PDPN: variants seen among roughly 807,000 people sequenced by gnomAD.
PDPN encodes the protein PA2.26 antigen.
A neutral mutation model predicts 23.2 loss-of-function variants in PDPN; 12 were observed. The ratio of observed to expected loss-of-function variants is 0.52; its 90% CI spans 0.33 to 0.84. The LOEUF (loss-of-function observed/expected upper bound fraction) is 0.84. PDPN is among the 40% of genes least tolerant of loss of function. The probability of loss-of-function intolerance (pLI) is 0.02; values close to 1 mark genes in which losing one functional copy is unlikely to be tolerated. For missense variants in PDPN, 199 were observed against 212.2 expected, an observed-to-expected ratio of 0.94 and a Z score of 0.39; for synonymous variants, 77 against 76.7, an observed-to-expected ratio of 1.00 and a Z score of -0.02.
intron 4 of PDPN, 37 bp downstream of exon 4, chr1:13,613,762 G>A (rs878990161): frequency 8.0e-7 from 1 of 1,246,828 alleles, no homozygotes; most frequent in South Asian, 1.2e-5. Flanking sequence ...CTCTTACTGG[G>A]GTTTTTTAAA....
intron 2 of PDPN, 135 bp from the exon 3 acceptor site, chr1:13,610,252 T>A: frequency 3.0e-6 from 2 of 664,568 alleles, no homozygotes; most frequent in Non-Finnish European, 5.1e-6. Flanking sequence ...TTCTGTTCAT[T>A]TTCTTCTACT....
intron 5 of PDPN, among the ~76,000 whole-genome samples, chr1:13,615,087 C>T (rs899433004): frequency 3.9e-5 from 6 of 152,238 alleles, no homozygotes; most frequent in South Asian, 2.1e-4. Context: ...GCAGCCCATT[C>T]GGATTAGGAG....
rs375286764 is a variant in PDPN, at chr1:13,613,758, C to T, written c.370+33C>T. The T allele has an allele frequency of 3.9e-5, 50 of 1,291,632 alleles. No homozygotes were observed. In the African/African-American group the frequency reaches 6.9e-4, roughly 18 times the overall value. The allele number at this position is 1,291,632 out of a possible 1,614,324, so 80.0% of individuals were successfully genotyped here. ...AGATTTTGGCATCAAAATACTCTTA[C>T]TGGGGTTTTTTAAAAATTTCTTTGA... On this transcript the variant is annotated intron_variant, in intron 4 of 5. Coordinates refer to ENST00000621990, the MANE Select transcript of PDPN (RefSeq NM_006474.5).
chr1:13,595,728 G>A (rs1019009834), intron 1 of PDPN: 28 of 497,308 alleles, frequency 5.6e-5, no homozygotes. Flanking sequence ...CACAGTGAAT[G>A]GGCATGGCGC....
intron 1 of PDPN, among the ~76,000 whole-genome samples, chr1:13,594,830 C>CA (rs71570150): frequency 0.051 from 6,701 of 130,532 alleles, 264 homozygotes; most frequent in South Asian, 0.12. Flanking sequence ...ACTAAAAATA[C>CA]AAAAAAAAAA....
chr1:13,607,436 G>A (rs1640820314), intron 2 of PDPN, 130 bp downstream of exon 2: 2 of 560,814 alleles, frequency 3.6e-6, no homozygotes, highest in South Asian at 4.5e-5. Flanking sequence ...CCATACCAAG[G>A]AATAGTTACG....
intron 5 of PDPN, among the ~76,000 whole-genome samples, chr1:13,615,216 C>G (rs1570065636): frequency 6.6e-6 from 1 of 152,226 alleles, no homozygotes; most frequent in Middle Eastern, 3.4e-3. Flanking sequence ...GTTTTTTCTC[C>G]TTATTAAGCT....
intron 1 of PDPN, among the ~76,000 whole-genome samples, chr1:13,595,442 T>TC (rs922299339): frequency 6.6e-6 from 1 of 150,860 alleles, no homozygotes; most frequent in East Asian, 2.0e-4. Flanking sequence ...AGGGGACACC[T>TC]CCCCCCCACC....
rs774401177 is a variant in PDPN, at chr1:13,583,833, A to G, written c.-201A>G. 1 of 1,569,530 alleles carries G rather than the reference A, an allele frequency of 6.4e-7. No homozygotes were observed. The highest frequency in any genetic ancestry group is 2.2e-5 in the East Asian group (1 of 44,590). ...GCTGACTCCGCTCGGAAAGTTCTCAACTGCAAAGTTTGCTGTCCGGCTGCC... is the reference window on the plus strand; with the variant it reads ...GCTGACTCCGCTCGGAAAGTTCTCAGCTGCAAAGTTTGCTGTCCGGCTGCC... On this transcript the variant is annotated 5_prime_UTR_variant, in exon 1 of 6. Coordinates refer to ENST00000621990, the MANE Select transcript of PDPN (RefSeq NM_006474.5).
At chr1:13,602,156 C>G (rs1640661869) in intron 1 of PDPN, among the ~76,000 whole-genome samples, 1 of 152,076 alleles carries the variant, frequency 6.6e-6, no homozygotes, top group Non-Finnish European at 1.5e-5. Flanking sequence ...GAAACCCTGT[C>G]TCTACTAAAA....
rs1641087511 is a variant in PDPN at position 13,616,944 on chromosome 1, A to G, written c.*1033A>G. 6.6e-6 allele frequency: 1 copy of G among 152,236 alleles called. No individual in the cohort carries two copies. The highest frequency in any genetic ancestry group is 2.1e-4 in the South Asian group (1 of 4,832). 9.4% of individuals were successfully genotyped at this position (152,236 alleles called of 1,614,324 possible). A position where few individuals can be genotyped will look rare whatever the true frequency, so the allele number is the denominator to read the frequency against. ...AACATTCACTTTCTGCCTCTGAGGA[A>G]AGATACAGGGAACAAAAATCAATTT... is the stretch of plus-strand genomic sequence containing the variant. On this transcript the variant is annotated 3_prime_UTR_variant, in exon 6 of 6. Coordinates refer to ENST00000621990, the MANE Select transcript of PDPN (RefSeq NM_006474.5).
chr1:13,609,067 A>G (rs1570052364), intron 2 of PDPN, among the ~76,000 whole-genome samples: 1 of 152,320 alleles, frequency 6.6e-6, no homozygotes, highest in East Asian at 1.9e-4. Flanking sequence ...ATTGGAACAC[A>G]GCAATGCCCA....
At chr1:13,606,417 A>G (rs1397860294) in intron 1 of PDPN, among the ~76,000 whole-genome samples, 1 of 152,190 alleles carries the variant, frequency 6.6e-6, no homozygotes, top group Non-Finnish European at 1.5e-5. Context: ...GTAAAACTCC[A>G]TGTAATCTAC....
chr1:13,594,994 C>CA lies in PDPN; in HGVS notation c.67+10908dup, dbSNP rs1382399608. 3.1e-3 allele frequency among the ~76,000 whole-genome samples: 246 copies of CA among 79,940 alleles called. 1 individual carries two copies. The highest frequency in any genetic ancestry group is 9.8e-3 in the Middle Eastern group (1 of 102). The allele number at this position is 79,940 out of a possible 152,430, so 52.4% of individuals were successfully genotyped here. On this transcript the variant is annotated intron_variant, in intron 1 of 5. Coordinates refer to ENST00000621990, the MANE Select transcript of PDPN (RefSeq NM_006474.5). Reference sequence around the variant, plus strand: ...TGGGCGACAGAGCGAGACTCCTTCTCAAAAAAAAAAAAAAGAAAGAAAGAA... The same window carrying CA: ...TGGGCGACAGAGCGAGACTCCTTCTCAAAAAAAAAAAAAAAGAAAGAAAGAA...
intron 3 of PDPN, among the ~76,000 whole-genome samples, chr1:13,611,010 A>G (rs565315016): frequency 6.6e-6 from 1 of 152,286 alleles, no homozygotes; most frequent in South Asian, 2.1e-4. Flanking sequence ...TCACAAGGTC[A>G]GGAGATCAAG....
intron 1 of PDPN, among the ~76,000 whole-genome samples, chr1:13,586,312 G>A (rs1640177097): frequency 6.6e-6 from 1 of 152,134 alleles, no homozygotes; most frequent in Non-Finnish European, 1.5e-5. Context: ...TTGCACTGAA[G>A]GCACTTAATA....
intron 1 of PDPN, chr1:13,585,783 A>T (rs1477007130): frequency 3.8e-6 from 2 of 529,388 alleles, no homozygotes; most frequent in South Asian, 3.1e-5. Context: ...GAGGCCCAGC[A>T]GGGTTTTTGT....
intron 1 of PDPN, among the ~76,000 whole-genome samples, chr1:13,584,644 G>A (rs762839888): frequency 5.9e-5 from 9 of 152,244 alleles, no homozygotes; most frequent in Non-Finnish European, 1.3e-4. Flanking sequence ...TGGACTGGAA[G>A]AGGCCTCCTT....
intron 4 of PDPN, among the ~76,000 whole-genome samples, chr1:13,614,070 A>G (rs754415975): frequency 1.3e-5 from 2 of 152,156 alleles, no homozygotes; most frequent in African/African-American, 2.4e-5. Flanking sequence ...ACTTAAGCCA[A>G]TGTGAATGTT....
Sources: allele counts gnomAD v4.1 joint callset (sites outside exome capture counted in the v4.1 genomes callset), GRCh38; gene constraint gnomAD v4.1.1; transcripts MANE v1.5; gene names NCBI Gene and HGNC (gene_info 2026-07-23, HGNC 2026-07-21).